The following GRXCR2 variants were observed in gnomAD, a reference collection of about 807,000 sequenced individuals.
GRXCR2 encodes the protein glutaredoxin and cysteine rich domain containing 2.
Under a neutral mutation model 24.8 loss-of-function variants are expected in GRXCR2, and 23 were observed. That is an observed-to-expected ratio of 0.93 (90% confidence interval 0.67 to 1.32). GRXCR2 has a LOEUF of 1.32. Ranked by LOEUF, GRXCR2 falls within the 40% of genes most tolerant of loss-of-function variation. The pLI is 0.00. For missense variants in GRXCR2, 315 were observed against 303.4 expected, an observed-to-expected ratio of 1.04 and a Z score of -0.28; for synonymous variants, 130 against 116.1, an observed-to-expected ratio of 1.12 and a Z score of -0.77.
intron 2 of GRXCR2, among the ~76,000 whole-genome samples, chr5:145,896,239 A>T (rs1756947311): frequency 6.6e-6 from 1 of 152,240 alleles, no homozygotes; most frequent in African/African-American, 2.4e-5. Context: ...CTTCATGTCT[A>T]AAACACCAAA....
At chr5:145,868,728 CCT>C (rs747305575) in intron 1 of GRXCR2, among the ~76,000 whole-genome samples, 4 of 152,132 alleles carry the variant, frequency 2.6e-5, no homozygotes, top group Non-Finnish European at 5.9e-5. Flanking sequence ...ACTCCAAACC[CCT>C]GTTTCTGAGC....
chr5:145,866,748 G>T lies in GRXCR2; in HGVS notation c.337-20C>A. 1 of 1,509,336 alleles carries T rather than the reference G, an allele frequency of 6.6e-7. No homozygotes were observed. Among genetic ancestry groups the T allele is most frequent in the Non-Finnish European group, 9.2e-7 (1 of 1,085,684 alleles). 93.5% of individuals were successfully genotyped at this position (1,509,336 alleles called of 1,614,324 possible). ...TAGGGGCTAGAGAAATGGAGAATGA[G>T]CATGGAAACTTTACCACCAATCACC... On this transcript the variant is annotated intron_variant, in intron 1 of 2. Coordinates refer to ENST00000377976, the MANE Select transcript of GRXCR2 (RefSeq NM_001080516.2).
chr5:145,900,071 A>G (rs1043501437), intron 2 of GRXCR2, among the ~76,000 whole-genome samples: 3 of 151,966 alleles, frequency 2.0e-5, no homozygotes, highest in Non-Finnish European at 4.4e-5. Flanking sequence ...GCAAAAAACA[A>G]CCCCATTAAA....
chr5:145,886,310 G>A (rs139634092), intron 2 of GRXCR2, among the ~76,000 whole-genome samples: 7 of 152,232 alleles, frequency 4.6e-5, no homozygotes, highest in Non-Finnish European at 8.8e-5. Context: ...CTTGTACTTT[G>A]AAATGCCTTT....
chr5:145,885,259 T>C (rs967431686), intron 2 of GRXCR2, among the ~76,000 whole-genome samples: 2 of 152,194 alleles, frequency 1.3e-5, no homozygotes, highest in Non-Finnish European at 2.9e-5. Context: ...TATTAAAATA[T>C]GAAGAACAAA....
chr5:145,897,552 G>A (rs1432937889), intron 2 of GRXCR2, among the ~76,000 whole-genome samples: 3 of 151,860 alleles, frequency 2.0e-5, no homozygotes, highest in African/African-American at 7.3e-5. Context: ...CTTCAAGATT[G>A]ACCATATTCT....
intron 2 of GRXCR2, among the ~76,000 whole-genome samples, chr5:145,898,594 TA>T (rs1756982563): frequency 6.6e-6 from 1 of 152,098 alleles, no homozygotes; most frequent in Admixed American, 6.6e-5. Context: ...CATGATCAAA[TA>T]GGCTTCATTC....
chr5:145,902,278 T>A (rs1757035494), intron 2 of GRXCR2, among the ~76,000 whole-genome samples: 1 of 152,154 alleles, frequency 6.6e-6, no homozygotes, highest in South Asian at 2.1e-4. Flanking sequence ...TTATTCATTA[T>A]TTTTTGTAGA....
intron 1 of GRXCR2, 69 bp from the exon 2 acceptor site, chr5:145,866,797 C>G (rs1215183438): frequency 2.1e-6 from 2 of 955,208 alleles, no homozygotes; most frequent in South Asian, 2.9e-5. Context: ...CAGAACCTGT[C>G]CAACATACCA....
At chr5:145,912,028 T>A (rs562672608) in intron 2 of GRXCR2, among the ~76,000 whole-genome samples, 36 of 152,208 alleles carry the variant, frequency 2.4e-4, no homozygotes, top group South Asian at 1.0e-3. Context: ...GCCCAGGAGA[T>A]CGAAGCTGCA....
intron 2 of GRXCR2, among the ~76,000 whole-genome samples, chr5:145,919,253 G>A (rs561065514): frequency 6.6e-6 from 1 of 152,304 alleles, no homozygotes; most frequent in South Asian, 2.1e-4. Flanking sequence ...GATAATTCTG[G>A]AAAAGTGACA....
chr5:145,889,905 T>C (rs1254286333), intron 2 of GRXCR2, among the ~76,000 whole-genome samples: 1 of 152,010 alleles, frequency 6.6e-6, no homozygotes, highest in Non-Finnish European at 1.5e-5. Flanking sequence ...AAGGAAGAGA[T>C]AAACATCTTA....
chr5:145,922,427 A>G (rs1449489651), intron 2 of GRXCR2, among the ~76,000 whole-genome samples: 2 of 152,140 alleles, frequency 1.3e-5, no homozygotes, highest in Non-Finnish European at 2.9e-5. Context: ...GCTGACCGTC[A>G]TTACATTATT....
intron 2 of GRXCR2, among the ~76,000 whole-genome samples, chr5:145,912,976 C>T (rs780809099): frequency 8.5e-5 from 13 of 152,202 alleles, no homozygotes; most frequent in African/African-American, 3.1e-4. Flanking sequence ...TAAACAGTAA[C>T]CCTGGTCAAA....
At chr5:145,896,468 T>C (rs563225164) in intron 2 of GRXCR2, among the ~76,000 whole-genome samples, 1 of 151,930 alleles carries the variant, frequency 6.6e-6, no homozygotes, top group Admixed American at 6.6e-5. Flanking sequence ...AGAAAATGGG[T>C]GAAGGATATG....
intron 2 of GRXCR2, among the ~76,000 whole-genome samples, chr5:145,886,842 T>G (rs1157337861): frequency 2.0e-5 from 3 of 152,230 alleles, no homozygotes; most frequent in Admixed American, 2.0e-4. Flanking sequence ...TAATCCAGTA[T>G]AAGATATTCA....
intron 2 of GRXCR2, among the ~76,000 whole-genome samples, chr5:145,921,151 A>G (rs969040395): frequency 2.6e-5 from 4 of 152,242 alleles, no homozygotes; most frequent in Admixed American, 2.6e-4. Flanking sequence ...CTGAAATCAC[A>G]TATCAGGTAG....
intron 2 of GRXCR2, among the ~76,000 whole-genome samples, chr5:145,879,292 G>T (rs926335374): frequency 1.3e-5 from 2 of 151,168 alleles, no homozygotes; most frequent in South Asian, 2.1e-4. Context: ...CTGTATTCAG[G>T]AGACCCATCT....
intron 2 of GRXCR2, among the ~76,000 whole-genome samples, chr5:145,896,967 A>C (rs868215189): frequency 1.3e-5 from 2 of 152,084 alleles, no homozygotes; most frequent in Non-Finnish European, 2.9e-5. Flanking sequence ...AAAAAGGATG[A>C]GTTCATGTCC....
Sources: allele counts gnomAD v4.1 joint callset (sites outside exome capture counted in the v4.1 genomes callset), GRCh38; gene constraint gnomAD v4.1.1; transcripts MANE v1.5; gene names NCBI Gene and HGNC (gene_info 2026-07-23, HGNC 2026-07-21).